Variants in ATP10A observed in about 807,000 individuals in gnomAD.
The protein encoded by ATP10A is ATPase phospholipid transporting 10A (putative), also known as phospholipid-transporting ATPase VA.
ATP10A carries 111 observed loss-of-function variants against 147.8 expected under a neutral mutation model. The observed-to-expected ratio is 0.75, with a 90% CI of 0.64 to 0.88. ATP10A has a LOEUF of 0.88. ATP10A is among the 40% of genes least tolerant of loss of function. The pLI is 0.00. For missense variants in ATP10A, 1,927 were observed against 1,959.0 expected (o/e 0.98, Z 0.31); for synonymous variants, 875 against 841.6 (o/e 1.04, Z -0.69).
At chr15:25,835,206 G>A (rs145881565) in intron 1 of ATP10A, among the ~76,000 whole-genome samples, 1 of 152,136 alleles carries the variant, frequency 6.6e-6, no homozygotes, top group Non-Finnish European at 1.5e-5. Context: ...AGGGGTTCCA[G>A]GTTCCAATAA....
intron 1 of ATP10A, among the ~76,000 whole-genome samples, chr15:25,795,924 G>C (rs1284944495): frequency 6.6e-6 from 1 of 151,990 alleles, no homozygotes; most frequent in African/African-American, 2.4e-5. Context: ...GTTAAAAAGA[G>C]CCTGGCACCC....
chr15:25,819,598 C>T (rs897895489), intron 1 of ATP10A, among the ~76,000 whole-genome samples: 3 of 149,904 alleles, frequency 2.0e-5, no homozygotes, highest in Non-Finnish European at 4.4e-5. Context: ...AAAAAAAAAT[C>T]ATTATATCAA....
intron 1 of ATP10A, among the ~76,000 whole-genome samples, chr15:25,824,053 T>A (rs1251820474): frequency 1.3e-5 from 2 of 152,198 alleles, no homozygotes; most frequent in Non-Finnish European, 2.9e-5. Context: ...GGCTGTAGTT[T>A]ACCAACCCCC....
At chr15:25,807,089 T>C (rs575765505) in intron 1 of ATP10A, among the ~76,000 whole-genome samples, 61 of 152,260 alleles carry the variant, frequency 4.0e-4, no homozygotes, top group Non-Finnish European at 7.5e-4. Context: ...GAGTGAGAAG[T>C]TCATGGCTTT....
At chr15:25,695,395 G>A (rs1009966222) in intron 13 of ATP10A, among the ~76,000 whole-genome samples, 36 of 151,950 alleles carry the variant, frequency 2.4e-4, no homozygotes, top group African/African-American at 7.3e-4. Flanking sequence ...TTGGGAGGCC[G>A]AGGCGGGTGG....
chr15:25,776,556 C>T (rs769061923), intron 2 of ATP10A, among the ~76,000 whole-genome samples: 46 of 152,344 alleles, frequency 3.0e-4, no homozygotes, highest in African/African-American at 8.9e-4. Flanking sequence ...ATGCTCCACA[C>T]GGGGGCCTCT....
chr15:25,853,252 A>C (rs1444167298), intron 1 of ATP10A, among the ~76,000 whole-genome samples: 2 of 152,196 alleles, frequency 1.3e-5, no homozygotes, highest in African/African-American at 4.8e-5. Flanking sequence ...GCTTCCTGTA[A>C]GTTCTGTCAG....
chr15:25,815,757 A>C (rs1257051420), intron 1 of ATP10A, among the ~76,000 whole-genome samples: 1 of 152,242 alleles, frequency 6.6e-6, no homozygotes, highest in Non-Finnish European at 1.5e-5. Context: ...ATGTTAAAAG[A>C]CTGTTTCTAT....
chr15:25,781,158 C>T lies in ATP10A; in HGVS notation c.515G>A (p.Arg172His), dbSNP rs773442220. The change falls in exon 2 of 21, where the codon CGC (arginine) becomes CAC (histidine). Residue 172 changes from arginine to histidine, a missense_variant. Coordinates refer to ENST00000555815, the MANE Select transcript of ATP10A (RefSeq NM_024490.4). ...EIHVGDFVRL[R>H]CNEIFPADIL... Reference sequence around the variant, plus strand: ...GTCCGCAGGGAAGATTTCGTTGCAGCGAAGACGCACAAAGTCTCCCACGTG... The same window carrying T: ...GTCCGCAGGGAAGATTTCGTTGCAGTGAAGACGCACAAAGTCTCCCACGTG... The T allele has an allele frequency of 5.0e-6, 8 of 1,614,166 alleles. No homozygotes were observed. The highest frequency in any genetic ancestry group is 1.7e-5 in the Admixed American group (1 of 60,020).
chr15:25,784,620 G>A (rs529527538), intron 1 of ATP10A, among the ~76,000 whole-genome samples: 14 of 152,100 alleles, frequency 9.2e-5, no homozygotes, highest in African/African-American at 1.7e-4. Flanking sequence ...CAGAAAGGAC[G>A]CTGGCTTCTA....
chr15:25,674,017 G>T (rs550236464), downstream of ATP10A, among the ~76,000 whole-genome samples: 1 of 152,338 alleles, frequency 6.6e-6, no homozygotes, highest in East Asian at 1.9e-4. Flanking sequence ...AGACAAGGAG[G>T]TTGCGTGTCC....
chr15:25,736,731 A>C (rs1887308412), intron 2 of ATP10A, among the ~76,000 whole-genome samples: 1 of 152,208 alleles, frequency 6.6e-6, no homozygotes, highest in Non-Finnish European at 1.5e-5. Context: ...CCTGGCTCAT[A>C]AGAAAGGCTT....
chr15:25,681,148 T>A, intron 17 of ATP10A, 74 bp from the exon 18 acceptor site: 3 of 1,449,950 alleles, frequency 2.1e-6, no homozygotes, highest in Non-Finnish European at 2.8e-6. Context: ...AGAATAAAAA[T>A]GGAGTCACTT....
chr15:25,849,225 G>C (rs912232225), intron 1 of ATP10A, among the ~76,000 whole-genome samples: 1 of 152,154 alleles, frequency 6.6e-6, no homozygotes, highest in African/African-American at 2.4e-5. Flanking sequence ...ATGAAACACA[G>C]AGGGGGCCGA....
chr15:25,701,794 G>A (rs945362988), intron 13 of ATP10A, 122 bp downstream of exon 13: 5 of 994,040 alleles, frequency 5.0e-6, no homozygotes, highest in Non-Finnish European at 7.4e-6. Flanking sequence ...TCCTAAACCC[G>A]AATGCGGAGG....
intron 1 of ATP10A, among the ~76,000 whole-genome samples, chr15:25,809,215 G>A (rs564067585): frequency 1.2e-4 from 18 of 152,254 alleles, no homozygotes; most frequent in African/African-American, 4.3e-4. Flanking sequence ...GAGCCCAACT[G>A]AGTGTGGGGT....
chr15:25,708,586 A>G (rs1404135984), intron 10 of ATP10A: 12 of 376,838 alleles, frequency 3.2e-5, no homozygotes, highest in Non-Finnish European at 4.9e-5. Flanking sequence ...CTCCGAAAGT[A>G]CTGGGATTAC....
In ATP10A at chr15:25,813,760, T is replaced by A. The variant is rs149239193; in HGVS notation, c.450-32537A>T. Reference sequence around the variant, plus strand: ...ATGTCTCAGATGAAAAACCCACTGATGGGATTAATGACAGATTAGACATCA... The same window carrying A: ...ATGTCTCAGATGAAAAACCCACTGAAGGGATTAATGACAGATTAGACATCA... On this transcript the variant is annotated intron_variant, in intron 1 of 20. Transcript: ENST00000555815. Among the ~76,000 whole-genome samples, 877 of 152,114 alleles carry A rather than the reference T, an allele frequency of 5.8e-3. 7 individuals carry two copies. Among genetic ancestry groups the A allele is most frequent in the Admixed American group, 9.9e-3 (151 of 15,282 alleles).
At chr15:25,803,359 A>C (rs1205353628) in intron 1 of ATP10A, among the ~76,000 whole-genome samples, 1 of 152,248 alleles carries the variant, frequency 6.6e-6, no homozygotes, top group Non-Finnish European at 1.5e-5. Flanking sequence ...CTAAGGATAC[A>C]GTGGGGCACA....
Sources: gnomAD v4.1 joint callset for allele counts (sites outside exome capture counted in the v4.1 genomes callset) on GRCh38, gnomAD v4.1.1 for gene constraint, MANE v1.5 for transcripts, NCBI Gene and HGNC (gene_info 2026-07-23, HGNC 2026-07-21) for gene names.